PTPN2: variants seen among roughly 807,000 people sequenced by gnomAD.
PTPN2 encodes protein tyrosine phosphatase non-receptor type 2.
A neutral mutation model predicts 57.3 loss-of-function variants in PTPN2; 19 were observed. That is an observed-to-expected ratio of 0.33 (90% CI 0.23 to 0.49). The LOEUF (loss-of-function observed/expected upper bound fraction) is 0.49, where lower values mean the gene tolerates loss of function less well. PTPN2 is among the 20% of genes least tolerant of loss of function. PTPN2 has a pLI of 0.99. For missense variants in PTPN2, 358 were observed against 501.1 expected, an observed-to-expected ratio of 0.71 and a Z score of 2.73; for synonymous variants, 153 against 164.9, an observed-to-expected ratio of 0.93 and a Z score of 0.55.
At chr18:12,881,759 GA>G (rs1278182025) in intron 1 of PTPN2, among the ~76,000 whole-genome samples, 1 of 152,026 alleles carries the variant, frequency 6.6e-6, no homozygotes, top group African/African-American at 2.4e-5. Context: ...CCCTTTTTGG[GA>G]AATACAGGAC....
chr18:12,819,122 A>C, intron 5 of PTPN2: 1 of 464,608 alleles, frequency 2.2e-6, no homozygotes, highest in Non-Finnish European at 3.6e-6. Flanking sequence ...TCCATTTTGC[A>C]GTAGAAATTA....
chr18:12,870,308 TAC>T lies in PTPN2; in HGVS notation c.70-11056_70-11055del, dbSNP rs1243516387. Among the ~76,000 whole-genome samples, 125 of 85,274 alleles carry T rather than the reference TAC, an allele frequency of 1.5e-3. 8 individuals are homozygous for T. Among genetic ancestry groups the T allele is most frequent in the East Asian group, 6.5e-3 (19 of 2,910 alleles). The allele number at this position is 85,274 out of a possible 152,430, so 55.9% of individuals were successfully genotyped here. On this transcript the variant is annotated intron_variant, in intron 1 of 8. Transcript: ENST00000309660. ...ACATATACATATATATGTGTATATA[TAC>T]ATATATATGTGTATATATATGTATA...
intron 4 of PTPN2, 42 bp downstream of exon 4, chr18:12,830,901 C>A: frequency 7.1e-7 from 1 of 1,414,012 alleles, no homozygotes; most frequent in South Asian, 1.2e-5. Context: ...TGCTAATGAT[C>A]ACATACAGTA....
chr18:12,850,408 G>C (rs2145441327), intron 2 of PTPN2, among the ~76,000 whole-genome samples: 1 of 152,010 alleles, frequency 6.6e-6, no homozygotes, highest in South Asian at 2.1e-4. Flanking sequence ...AGAATTGCTT[G>C]AACTCGAGAG....
At chr18:12,816,933 C>T (rs1392647857) in intron 6 of PTPN2, among the ~76,000 whole-genome samples, 3 of 152,038 alleles carry the variant, frequency 2.0e-5, no homozygotes, top group South Asian at 4.1e-4. Context: ...AGAAAAACAC[C>T]TTCTTAGGGA....
rs937020466 is a variant in PTPN2 at position 12,794,339 on chromosome 18, G to A, written c.1187C>T (p.Ser396Leu). 25 of 1,614,214 alleles carry A rather than the reference G, an allele frequency of 1.5e-5. No homozygotes were observed. The East Asian group carries it at 5.6e-4, about 36-fold the overall frequency. ...QPILTKMGFM[S>L]VILVGAFVGW... is the part of the protein sequence containing the mutation. ...AACAAAAGCGCCAACCAAAATGACT[G>A]ACATAAACCCCATCTTAGTGAGAAT... Residue 396 changes from serine (S) to leucine (L), a missense_variant, in exon 9 of 9, where the codon TCA becomes TTA. By Grantham distance (145) the Ser-to-Leu change is moderately radical. This residue lies in a region of PTPN2 where 96 missense variants were observed against 110.8 expected (regional missense o/e 0.87). Coordinates refer to ENST00000309660, the MANE Select transcript of PTPN2 (RefSeq NM_002828.4).
At chr18:12,872,191 T>C (rs1370024465) in intron 1 of PTPN2, 3 of 152,196 alleles carry the variant, frequency 2.0e-5, no homozygotes, top group African/African-American at 4.8e-5. Flanking sequence ...TTACTGGGAC[T>C]AGAGGGGTAC....
intron 2 of PTPN2, among the ~76,000 whole-genome samples, chr18:12,853,144 T>A (rs552439104): frequency 6.6e-6 from 1 of 152,308 alleles, no homozygotes; most frequent in South Asian, 2.1e-4. Flanking sequence ...GTACTATGTA[T>A]AGAAATGCAT....
intron 3 of PTPN2, among the ~76,000 whole-genome samples, chr18:12,835,439 T>A (rs955451424): frequency 1.5e-5 from 2 of 132,968 alleles, no homozygotes; most frequent in Non-Finnish European, 3.1e-5. Flanking sequence ...GCAGTGGCAC[T>A]ATCTTGCCTC....
chr18:12,863,167 A>C (rs942528280), intron 1 of PTPN2: 1 of 152,156 alleles, frequency 6.6e-6, no homozygotes, highest in African/African-American at 2.4e-5. Context: ...ACAGATTCCG[A>C]ATGTTTCCTC....
chr18:12,881,788 C>A (rs553265054), intron 1 of PTPN2, among the ~76,000 whole-genome samples: 2 of 152,300 alleles, frequency 1.3e-5, no homozygotes, highest in South Asian at 2.1e-4. Flanking sequence ...TAACTCAACT[C>A]CACAAGACCC....
chr18:12,809,702 T>C (rs950868458), intron 7 of PTPN2, among the ~76,000 whole-genome samples: 28 of 152,338 alleles, frequency 1.8e-4, no homozygotes, highest in African/African-American at 6.5e-4. Flanking sequence ...AGATGTAACA[T>C]TGCAACTTAA....
At chr18:12,860,401 A>G (rs987481949) in intron 1 of PTPN2, among the ~76,000 whole-genome samples, 2 of 151,972 alleles carry the variant, frequency 1.3e-5, no homozygotes, top group African/African-American at 4.8e-5. Context: ...GTTCAAGACC[A>G]GCCTGGCCAG....
rs746096309 is a variant in PTPN2, at chr18:12,794,528, C to T, written c.1041-43G>A. The T allele has an allele frequency of 4.1e-5, 65 of 1,601,858 alleles. 1 individual carries two copies. The Admixed American group carries it at 1.1e-3, about 27-fold the overall frequency. On this transcript the variant is annotated intron_variant, in intron 8 of 8. Coordinates refer to ENST00000309660, the MANE Select transcript of PTPN2 (RefSeq NM_002828.4). The stretch of plus-strand genomic sequence containing the variant: ...CAAGTGAAAGGAAGTGCACACAGAG[C>T]AGGACTTGAGTACTCTAACACAGAG...
intron 8 of PTPN2, among the ~76,000 whole-genome samples, chr18:12,797,811 T>C (rs1446882583): frequency 1.3e-5 from 2 of 152,162 alleles, no homozygotes; most frequent in East Asian, 1.9e-4. Context: ...TAGCTCCCTG[T>C]AGCCTCAACC....
Position 12,881,997 on chromosome 18 carries a change from A to G in PTPN2, c.69+2076T>C, listed in dbSNP as rs75502449. Among the ~76,000 whole-genome samples the G allele has an allele frequency of 6.3e-3, 961 of 152,312 alleles. 9 individuals carry two copies. The highest frequency in any genetic ancestry group is 0.017 in the Middle Eastern group (5 of 294). ...ATGAGGCCCCAAAAGAATAAGCCCT[A>G]GAGTGAGCACCTCGAGGGTAGGAAA... On this transcript the variant is annotated intron_variant, in intron 1 of 8. Coordinates refer to ENST00000309660, the MANE Select transcript of PTPN2 (RefSeq NM_002828.4).
At chr18:12,876,295 A>AC (rs2044486042) in intron 1 of PTPN2, among the ~76,000 whole-genome samples, 2 of 143,462 alleles carry the variant, frequency 1.4e-5, no homozygotes, top group African/African-American at 5.5e-5. Flanking sequence ...AACAACAACA[A>AC]AAAGAAGAAG....
intron 7 of PTPN2, among the ~76,000 whole-genome samples, chr18:12,807,863 T>A (rs2041742060): frequency 1.3e-5 from 2 of 151,910 alleles, no homozygotes. Context: ...GGTGTTTTAC[T>A]GCACAGAATG....
At chr18:12,814,150 A>G in intron 7 of PTPN2, 53 bp downstream of exon 7, 2 of 1,304,420 alleles carry the variant, frequency 1.5e-6, no homozygotes, top group South Asian at 2.6e-5. Context: ...CAGTTATTTG[A>G]TGCTATGTGT....
Sources: allele counts gnomAD v4.1 joint callset (sites outside exome capture counted in the v4.1 genomes callset), GRCh38; gene constraint gnomAD v4.1.1; regional missense constraint gnomAD v4.1.1; transcripts MANE v1.5; gene names NCBI Gene and HGNC (gene_info 2026-07-23, HGNC 2026-07-21).